MAP3K7CL: variants seen among roughly 807,000 people sequenced by gnomAD.
MAP3K7CL encodes MAP3K7 C-terminal-like protein.
A neutral mutation model predicts 18.6 loss-of-function variants in MAP3K7CL; 16 were observed. The observed-to-expected ratio is 0.86, with a 90% CI of 0.58 to 1.31. The LOEUF is 1.31. Among genes scored for constraint, MAP3K7CL ranks in the 50% most tolerant of loss-of-function variants. MAP3K7CL has a pLI of 0.00. For missense variants in MAP3K7CL, 163 were observed against 174.4 expected (o/e 0.93, Z 0.37); for synonymous variants, 65 against 66.8 (o/e 0.97, Z 0.13).
intron 4 of MAP3K7CL, among the ~76,000 whole-genome samples, chr21:29,108,190 C>T (rs916944388): frequency 6.6e-6 from 1 of 152,042 alleles, no homozygotes; most frequent in Non-Finnish European, 1.5e-5. Flanking sequence ...TAAATAAAGT[C>T]GTAAGAGTGG....
intron 4 of MAP3K7CL, among the ~76,000 whole-genome samples, chr21:29,170,724 C>T (rs923764979): frequency 2.6e-5 from 4 of 151,796 alleles, no homozygotes; most frequent in African/African-American, 9.7e-5. Flanking sequence ...ACTGCAGCTC[C>T]ACCTCCCAGG....
chr21:29,127,335 A>G (rs1419069242), upstream of MAP3K7CL, among the ~76,000 whole-genome samples: 1 of 152,216 alleles, frequency 6.6e-6, no homozygotes, highest in African/African-American at 2.4e-5. Context: ...CAAGAAACAT[A>G]CTGTTAATCT....
intron 3 of MAP3K7CL, among the ~76,000 whole-genome samples, chr21:29,150,150 T>A (rs549426193): frequency 6.6e-6 from 1 of 152,220 alleles, no homozygotes; most frequent in Non-Finnish European, 1.5e-5. Flanking sequence ...CATTTGTGGG[T>A]GTGCCTTGTG....
intron 2 of MAP3K7CL, among the ~76,000 whole-genome samples, chr21:29,142,107 C>T (rs1261059140): frequency 6.6e-6 from 1 of 151,930 alleles, no homozygotes; most frequent in Non-Finnish European, 1.5e-5. Flanking sequence ...CTCTGCCACT[C>T]AGACTGGAGT....
chr21:29,175,118 C>A lies in MAP3K7CL; in HGVS notation c.*226C>A. 2.6e-6 allele frequency: 1 copy of A among 389,918 alleles called. No homozygotes were observed. 24.2% of individuals were successfully genotyped at this position (389,918 alleles called of 1,614,324 possible). On this transcript the variant is annotated 3_prime_UTR_variant, in exon 5 of 5. Transcript: ENST00000399928. ...ATTACTAGTATATGTTTTTGGAGATCAGAATTCTTTTCCAAAGATATATGT... is the reference window on the plus strand; with the variant it reads ...ATTACTAGTATATGTTTTTGGAGATAAGAATTCTTTTCCAAAGATATATGT...
chr21:29,124,405 T>G (rs1481471175), intron 4 of MAP3K7CL, among the ~76,000 whole-genome samples: 1 of 151,278 alleles, frequency 6.6e-6, no homozygotes, highest in Non-Finnish European at 1.5e-5. Flanking sequence ...TTAATTAACT[T>G]TAAATGGTAA....
At chr21:29,150,791 A>G (rs1321653636) in intron 3 of MAP3K7CL, among the ~76,000 whole-genome samples, 1 of 126,920 alleles carries the variant, frequency 7.9e-6, no homozygotes, top group Non-Finnish European at 1.6e-5. Context: ...TTTTTTTGAG[A>G]CAGAGTCTCC....
At chr21:29,091,215 C>T (rs946038936) in intron 1 of MAP3K7CL, among the ~76,000 whole-genome samples, 1 of 152,154 alleles carries the variant, frequency 6.6e-6, no homozygotes, top group African/African-American at 2.4e-5. Context: ...CAGCAGAAAA[C>T]AGTGTATTAC....
chr21:29,165,365 C>T (rs1415483017), intron 4 of MAP3K7CL, among the ~76,000 whole-genome samples: 1 of 151,972 alleles, frequency 6.6e-6, no homozygotes, highest in African/African-American at 2.4e-5. Flanking sequence ...GTTTTTGGGG[C>T]ACAGGTGGTG....
chr21:29,161,807 C>T (rs1999323), intron 4 of MAP3K7CL, among the ~76,000 whole-genome samples: 35,216 of 152,064 alleles, frequency 0.23, 5,171 homozygotes, highest in African/African-American at 0.41. Flanking sequence ...GAATGGTGGT[C>T]GGACAGTATA....
At chr21:29,149,056 A>G in intron 2 of MAP3K7CL, 133 bp from the exon 3 acceptor site, 1 of 777,376 alleles carries the variant, frequency 1.3e-6, no homozygotes, top group East Asian at 2.6e-5. Flanking sequence ...TGTCCTTTAC[A>G]TTCTGTCTGT....
At chr21:29,146,892 G>A (rs562642493) in intron 2 of MAP3K7CL, among the ~76,000 whole-genome samples, 3 of 152,114 alleles carry the variant, frequency 2.0e-5, no homozygotes, top group South Asian at 2.1e-4. Context: ...GATTATCTTC[G>A]ATGCTTTCAA....
At chr21:29,103,243 C>G (rs1409609829) in intron 4 of MAP3K7CL, among the ~76,000 whole-genome samples, 4 of 152,120 alleles carry the variant, frequency 2.6e-5, no homozygotes, top group Admixed American at 6.6e-5. Context: ...ATTGTGATAG[C>G]AACTATGTGA....
chr21:29,130,738 GGTCT>G lies in MAP3K7CL; in HGVS notation c.-223_-220del. On this transcript the variant is annotated 5_prime_UTR_variant, in exon 1 of 5. Coordinates refer to ENST00000399928, the MANE Select transcript of MAP3K7CL (RefSeq NM_001286620.2). ...GAAGGGAGGTCCCGTGGGACGCTGG[GGTCT>G]GGGGCAGAGCAGGTAGCAGCGTGCT... 1.0e-6 allele frequency: 1 copy of G among 985,566 alleles called. No homozygotes were observed. Among genetic ancestry groups the G allele is most frequent in the Non-Finnish European group, 1.2e-6 (1 of 830,034 alleles). The allele number at this position is 985,566 out of a possible 1,614,324, so 61.1% of individuals were successfully genotyped here. A position where few individuals can be genotyped will look rare whatever the true frequency, so the allele number is the denominator to read the frequency against.
chr21:29,104,157 G>A (rs2086280148), intron 4 of MAP3K7CL, among the ~76,000 whole-genome samples: 1 of 152,014 alleles, frequency 6.6e-6, no homozygotes, highest in Non-Finnish European at 1.5e-5. Flanking sequence ...TCAGTATCAG[G>A]CCTTGTGTCC....
rs2086547569 is a variant in MAP3K7CL at position 29,118,889 on chromosome 21, A to G, written c.370+26308A>G. On this transcript the variant is annotated intron_variant, in intron 4 of 6. Coordinates refer to the MAP3K7CL transcript ENST00000286791. ...ATGTTAAGGAGTCAAATAGTTCTGCAAGATTTATTACAAAAATCCCAAGAG... is the reference window on the plus strand; with the variant it reads ...ATGTTAAGGAGTCAAATAGTTCTGCGAGATTTATTACAAAAATCCCAAGAG... Among the ~76,000 whole-genome samples the G allele has an allele frequency of 3.3e-5, 5 of 152,254 alleles. No individual in the cohort carries two copies. The South Asian group carries it at 1.0e-3, about 32-fold the overall frequency.
chr21:29,095,035 G>A (rs1439015011), intron 4 of MAP3K7CL, among the ~76,000 whole-genome samples: 1 of 150,256 alleles, frequency 6.7e-6, no homozygotes, highest in Admixed American at 6.6e-5. Flanking sequence ...TCCAGCCTGG[G>A]TGATAGAGCC....
At chr21:29,154,511 A>G (rs1038362374) in intron 3 of MAP3K7CL, among the ~76,000 whole-genome samples, 12 of 152,162 alleles carry the variant, frequency 7.9e-5, no homozygotes, top group African/African-American at 2.2e-4. Context: ...ACAGAGTCTG[A>G]TAAGTCCAGA....
chr21:29,174,816 G>A lies in MAP3K7CL; in HGVS notation c.353G>A (p.Arg118Lys). ...EALTEENRTL[R>K]LAQSQCVEQL... ...CTGACGGAGGAGAATCGGACGTTGAGGTTGGCCCAGTCTCAATGTGTGGAA... is the reference window on the plus strand; with the variant it reads ...CTGACGGAGGAGAATCGGACGTTGAAGTTGGCCCAGTCTCAATGTGTGGAA... The change falls in exon 5 of 5, where the codon AGG (arginine) becomes AAG (lysine). Residue 118 changes from arginine (R) to lysine (K), a missense_variant. Transcript: ENST00000399928. The A allele has an allele frequency of 3.7e-6, 6 of 1,614,178 alleles. No homozygotes were observed. The highest frequency in any genetic ancestry group is 1.1e-5 in the South Asian group (1 of 91,082).
Sources: allele counts gnomAD v4.1 joint callset (sites outside exome capture counted in the v4.1 genomes callset), GRCh38; gene constraint gnomAD v4.1.1; transcripts MANE v1.5; gene names NCBI Gene and HGNC (gene_info 2026-07-23, HGNC 2026-07-21).